The following DLG2 variants were observed in gnomAD, a reference collection of about 807,000 sequenced individuals.
DLG2 encodes discs large MAGUK scaffold protein 2.
A neutral mutation model predicts 132.5 loss-of-function variants in DLG2; 45 were observed. That is an observed-to-expected ratio of 0.34 (90% confidence interval 0.27 to 0.44). DLG2 has a LOEUF of 0.44. Ranked by LOEUF, DLG2 falls within the 20% of genes least tolerant of loss-of-function variation. The pLI, the probability that DLG2 is intolerant of heterozygous loss-of-function variation, is 1.00. For missense variants in DLG2, 1,045 were observed against 1,196.9 expected (o/e 0.87, Z 1.87); for synonymous variants, 424 against 419.6 (o/e 1.01, Z -0.13).
intron 18 of DLG2, among the ~76,000 whole-genome samples, chr11:83,670,928 T>C (rs2076725719): frequency 6.6e-6 from 1 of 152,218 alleles, no homozygotes; most frequent in Non-Finnish European, 1.5e-5. Context: ...AGAAACATTC[T>C]AGGCTGCTGT....
chr11:83,495,105 C>G (rs932445131), intron 21 of DLG2, among the ~76,000 whole-genome samples: 2 of 152,120 alleles, frequency 1.3e-5, no homozygotes, highest in African/African-American at 4.8e-5. Flanking sequence ...TAAAAAATCT[C>G]AGGGAAGATC....
At chr11:84,681,684 G>C (rs761844450) in intron 6 of DLG2, among the ~76,000 whole-genome samples, 1 of 152,070 alleles carries the variant, frequency 6.6e-6, no homozygotes, top group Non-Finnish European at 1.5e-5. Context: ...TCTGCAGTCA[G>C]TAATCACTCC....
intron 11 of DLG2, among the ~76,000 whole-genome samples, chr11:84,013,978 T>C (rs1357869677): frequency 6.6e-6 from 1 of 151,660 alleles, no homozygotes; most frequent in African/African-American, 2.4e-5. Flanking sequence ...TTCTCATGGC[T>C]AGAAAGCTGC....
At chr11:85,013,445 T>C (rs571272793) in intron 6 of DLG2, among the ~76,000 whole-genome samples, 1 of 152,178 alleles carries the variant, frequency 6.6e-6, no homozygotes, top group East Asian at 1.9e-4. Context: ...GAAAGATAAA[T>C]AACGATTTTG....
In DLG2 at chr11:83,621,185, T is replaced by C. The variant is rs540010813; in HGVS notation, c.1940+12026A>G. Among the ~76,000 whole-genome samples the C allele has an allele frequency of 3.3e-5, 5 of 152,274 alleles. No individual in the cohort carries two copies. The South Asian group carries it at 1.0e-3, about 32-fold the overall frequency. Reference sequence around the variant, plus strand: ...AAGAGCAACCAATTCAAATATATATTATAATTTGCCTTTTTGTTTATTATT... The same window carrying C: ...AAGAGCAACCAATTCAAATATATATCATAATTTGCCTTTTTGTTTATTATT... On this transcript the variant is annotated intron_variant, in intron 19 of 27. Transcript: ENST00000376104.
chr11:84,030,339 A>G lies in DLG2; in HGVS notation c.919+28976T>C, dbSNP rs2095657670. Among the ~76,000 whole-genome samples the G allele has an allele frequency of 3.3e-5, 5 of 152,252 alleles. No homozygotes were observed. The South Asian group carries it at 1.0e-3, about 32-fold the overall frequency. ...TGGCATCTTAAATATAATGCTTCCTATTGGTTAGAGTTTTTGAATAACTCC... is the reference window on the plus strand; with the variant it reads ...TGGCATCTTAAATATAATGCTTCCTGTTGGTTAGAGTTTTTGAATAACTCC... On this transcript the variant is annotated intron_variant, in intron 11 of 27. Transcript: ENST00000376104.
chr11:85,346,465 G>A (rs753256029), intron 3 of DLG2, among the ~76,000 whole-genome samples: 8 of 152,122 alleles, frequency 5.3e-5, no homozygotes, highest in Non-Finnish European at 1.0e-4. Context: ...TGGGATTACA[G>A]GCTTAAGCCA....
intron 5 of DLG2, among the ~76,000 whole-genome samples, chr11:85,127,642 A>C (rs2075287904): frequency 6.6e-6 from 1 of 152,184 alleles, no homozygotes; most frequent in Non-Finnish European, 1.5e-5. Context: ...GAATGAATAA[A>C]TGTGATGCTT....
At chr11:84,707,995 C>T (rs942620773) in intron 6 of DLG2, among the ~76,000 whole-genome samples, 3 of 151,762 alleles carry the variant, frequency 2.0e-5, no homozygotes, top group Non-Finnish European at 2.9e-5. Context: ...TGGGCTTAAA[C>T]CCAAGTGCCA....
At chr11:85,073,784 C>T (rs908581924) in intron 6 of DLG2, among the ~76,000 whole-genome samples, 1 of 151,724 alleles carries the variant, frequency 6.6e-6, no homozygotes, top group Non-Finnish European at 1.5e-5. Flanking sequence ...AATTATACCA[C>T]GAAGATACAT....
chr11:85,204,541 CACAA>C lies in DLG2; in HGVS notation c.187-49894_187-49891del, dbSNP rs554987161. Among the ~76,000 whole-genome samples, 223 of 152,044 alleles carry C rather than the reference CACAA, an allele frequency of 1.5e-3. 1 individual carries two copies. The highest frequency in any genetic ancestry group is 5.0e-3 in the African/African-American group (209 of 41,498). Reference sequence around the variant, plus strand: ...TGATGAAAATAAATTGAAGAGAACACACAAACAAATAGAAAGATATCCCATGCTA... The same window carrying C: ...TGATGAAAATAAATTGAAGAGAACACACAAATAGAAAGATATCCCATGCTA... On this transcript the variant is annotated intron_variant, in intron 4 of 27. Transcript: ENST00000376104.
In DLG2 at chr11:84,875,016, T is replaced by C. The variant is rs528079981; in HGVS notation, c.357+236645A>G. Among the ~76,000 whole-genome samples, 7 of 118,714 alleles carry C rather than the reference T, an allele frequency of 5.9e-5. No individual in the cohort carries two copies. In the Middle Eastern group the frequency reaches 0.015, roughly 262 times the overall value. The allele number at this position is 118,714 out of a possible 152,430, so 77.9% of individuals were successfully genotyped here. Reference sequence around the variant, plus strand: ...GCCTGGGCAACAGACCAATACTTCATCTCAAAAAAAAAAAAAAAAAAAGAG... The same window carrying C: ...GCCTGGGCAACAGACCAATACTTCACCTCAAAAAAAAAAAAAAAAAAAGAG... On this transcript the variant is annotated intron_variant, in intron 6 of 27. Coordinates refer to ENST00000376104, the MANE Select transcript of DLG2 (RefSeq NM_001142699.3).
At chr11:84,395,645 T>A (rs551496363) in intron 7 of DLG2, among the ~76,000 whole-genome samples, 4 of 152,340 alleles carry the variant, frequency 2.6e-5, no homozygotes, top group Non-Finnish European at 4.4e-5. Flanking sequence ...GGTTTCTGCC[T>A]GACAATGCTT....
intron 10 of DLG2, among the ~76,000 whole-genome samples, chr11:84,078,439 C>T (rs1021926993): frequency 6.6e-5 from 10 of 152,050 alleles, no homozygotes; most frequent in Non-Finnish European, 1.0e-4. Context: ...TTAGAGTCAC[C>T]GACTTTCTCA....
chr11:85,096,494 C>T (rs1469190437), intron 6 of DLG2, among the ~76,000 whole-genome samples: 1 of 151,750 alleles, frequency 6.6e-6, no homozygotes, highest in Non-Finnish European at 1.5e-5. Context: ...ACAAACCCAC[C>T]AGAAGGAAGA....
At chr11:83,556,517 C>T (rs1228630) in intron 19 of DLG2, among the ~76,000 whole-genome samples, 71,480 of 151,362 alleles carry the variant, frequency 0.47, 17,430 homozygotes, top group Admixed American at 0.57. Flanking sequence ...GGACCACAGG[C>T]GTGCGCCAAA....
At chr11:84,685,914 C>T (rs983981122) in intron 6 of DLG2, among the ~76,000 whole-genome samples, 1 of 152,160 alleles carries the variant, frequency 6.6e-6, no homozygotes, top group African/African-American at 2.4e-5. Flanking sequence ...GTCTCGATCT[C>T]TTGACCTCGT....
At chr11:84,854,751 C>T (rs540642796) in intron 6 of DLG2, among the ~76,000 whole-genome samples, 13 of 151,988 alleles carry the variant, frequency 8.6e-5, no homozygotes, top group Admixed American at 3.9e-4. Context: ...AAGTTCAAAC[C>T]GTGTATTAAA....
intron 6 of DLG2, among the ~76,000 whole-genome samples, chr11:84,695,010 A>G (rs1338961924): frequency 6.6e-6 from 1 of 151,510 alleles, no homozygotes; most frequent in Non-Finnish European, 1.5e-5. Flanking sequence ...ACCTTCTAGT[A>G]TATTGATGCT....
Sources: allele counts gnomAD v4.1 joint callset (sites outside exome capture counted in the v4.1 genomes callset), GRCh38; gene constraint gnomAD v4.1.1; transcripts MANE v1.5; gene names NCBI Gene and HGNC (gene_info 2026-07-23, HGNC 2026-07-21).